Variants in MCRIP1 observed in about 807,000 individuals in gnomAD.
The protein encoded by MCRIP1 is mapk-regulated corepressor-interacting protein 1.
In MCRIP1, 10 loss-of-function variants were observed where a neutral mutation model predicts 14.4. The ratio of observed to expected loss-of-function variants is 0.70; its 90% CI spans 0.43 to 1.18. The LOEUF (loss-of-function observed/expected upper bound fraction) is 1.18. Ranked by LOEUF, MCRIP1 falls within the 50% of genes most tolerant of loss-of-function variation. The pLI is 0.00. For synonymous variants in MCRIP1, 53 were observed against 55.7 expected, an observed-to-expected ratio of 0.95 and a Z score of 0.21; for missense variants, 119 against 135.4, an observed-to-expected ratio of 0.88 and a Z score of 0.60.
chr17:81,827,294 T>G (rs1012834373), intron 1 of MCRIP1, among the ~76,000 whole-genome samples: 1 of 151,208 alleles, frequency 6.6e-6, no homozygotes, highest in Non-Finnish European at 1.5e-5. Flanking sequence ...TTATTTGAGA[T>G]GGAGTCTCGC....
At chr17:81,827,105 A>G (rs535846925) in intron 1 of MCRIP1, among the ~76,000 whole-genome samples, 3 of 150,510 alleles carry the variant, frequency 2.0e-5, no homozygotes, top group Admixed American at 6.6e-5. Context: ...GCGACAGAGC[A>G]AGACTCCGTC....
intron 1 of MCRIP1, among the ~76,000 whole-genome samples, chr17:81,828,269 AC>A (rs567566571): frequency 6.0e-4 from 50 of 83,060 alleles, no homozygotes; most frequent in African/African-American, 2.2e-3. Flanking sequence ...CTGCCCCCCC[AC>A]CCCCCGACCC....
chr17:81,824,110 G>A lies in MCRIP1; in HGVS notation c.127+177C>T, dbSNP rs559954771. Among the ~76,000 whole-genome samples the A allele has an allele frequency of 1.2e-3, 182 of 152,216 alleles. 1 individual carries two copies. The highest frequency in any genetic ancestry group is 2.9e-3 in the South Asian group (14 of 4,814). On this transcript the variant is annotated intron_variant, in intron 3 of 4. Coordinates refer to ENST00000455127, the MANE Select transcript of MCRIP1 (RefSeq NM_207368.5). ...TCTCCTCTCTACACAAGGTCCCCTC[G>A]GCCACCCCTACCCGCCTGGGCCCTG... is the stretch of plus-strand genomic sequence containing the variant.
chr17:81,826,258 C>T (rs560376301), intron 1 of MCRIP1: 2 of 1,531,056 alleles, frequency 1.3e-6, no homozygotes, highest in Non-Finnish European at 1.7e-6. Context: ...CCTGCCCACA[C>T]ATACCTACCT....
chr17:81,829,350 C>T (rs2038474494), intron 1 of MCRIP1, among the ~76,000 whole-genome samples: 1 of 152,216 alleles, frequency 6.6e-6, no homozygotes, highest in African/African-American at 2.4e-5. Flanking sequence ...CTGCCTTCAT[C>T]CCACCTGGGC....
chr17:81,832,268 C>G (rs1370464788), intron 1 of MCRIP1, among the ~76,000 whole-genome samples: 3 of 152,164 alleles, frequency 2.0e-5, no homozygotes, highest in Non-Finnish European at 4.4e-5. Context: ...AGCTGCCACA[C>G]TGGCACCTCG....
In MCRIP1 at chr17:81,823,623, C is replaced by A. The variant is rs1012790763; in HGVS notation, c.128-110G>T. The A allele has an allele frequency of 2.9e-5, 26 of 887,260 alleles. No individual in the cohort carries two copies. In the African/African-American group the frequency reaches 4.3e-4, roughly 15 times the overall value. The allele number at this position is 887,260 out of a possible 1,614,324, so 55.0% of individuals were successfully genotyped here. A position where few individuals can be genotyped will look rare whatever the true frequency, so the allele number is the denominator to read the frequency against. On this transcript the variant is annotated intron_variant, in intron 3 of 4. Coordinates refer to ENST00000455127, the MANE Select transcript of MCRIP1 (RefSeq NM_207368.5). This position sits in a 1 kb window ranked among gnomAD's most constrained non-coding sequence, Gnocchi z 6.0. The stretch of plus-strand genomic sequence containing the variant: ...TGCCCTCCCAGATCCTCTTCTCCCT[C>A]AGAAGTGTCCTCCATGCTCCCCCAC...
intron 1 of MCRIP1, among the ~76,000 whole-genome samples, chr17:81,827,563 G>A (rs546395658): frequency 3.3e-5 from 5 of 151,324 alleles, no homozygotes; most frequent in Middle Eastern, 3.4e-3. Context: ...GAGCCACCAC[G>A]CCCGGCCGGC....
Position 81,824,388 on chromosome 17 carries a change from A to G in MCRIP1, c.26T>C (p.Val9Ala), listed in dbSNP as rs1234238140. MTSSPVSR[V>A]VYNGKRTSSP... is the part of the protein sequence containing the mutation. ...GCTGGTCCTCTTGCCGTTGTACACG[A>G]CTCTGGAGACGGGGGAGCTGGGGGA... The change falls in exon 3 of 5, where the codon GTC (valine) becomes GCC (alanine). Residue 9 changes from valine to alanine, a missense_variant. Val to Ala is a moderately conservative substitution (Grantham distance 64). Transcript: ENST00000455127. The G allele has an allele frequency of 6.5e-7, 1 of 1,534,446 alleles. No homozygotes were observed. The highest frequency in any genetic ancestry group is 8.7e-7 in the Non-Finnish European group (1 of 1,145,536).
rs2038426035 is a variant in MCRIP1 at position 81,827,258 on chromosome 17, T to A, written c.-48-2704A>T. ...GCCTGGGCAACATGGCAAAATCCCA[T>A]TTCTTTTATTTATTTATTTATTTAT... On this transcript the variant is annotated intron_variant, in intron 1 of 4. Transcript: ENST00000455127. Among the ~76,000 whole-genome samples, 5 of 151,888 alleles carry A rather than the reference T, an allele frequency of 3.3e-5. No individual in the cohort carries two copies. In the South Asian group the frequency reaches 1.0e-3, roughly 32 times the overall value.
At chr17:81,826,428 T>A in intron 1 of MCRIP1, 1 of 1,497,486 alleles carries the variant, frequency 6.7e-7, no homozygotes, top group South Asian at 1.2e-5. Flanking sequence ...GAGGCTGGGG[T>A]GGGAGGACTG....
At chr17:81,825,244 T>C (rs2038366841) in intron 1 of MCRIP1, 1 of 1,086,768 alleles carries the variant, frequency 9.2e-7, no homozygotes, top group Admixed American at 4.9e-5. Flanking sequence ...CTGCCGCCCG[T>C]TTATGGCCTC....
At chr17:81,824,211 G>C (rs1166230829) in intron 3 of MCRIP1, 76 bp downstream of exon 3, 1 of 1,214,694 alleles carries the variant, frequency 8.2e-7, no homozygotes, top group Non-Finnish European at 1.2e-6. Flanking sequence ...GTTCCTCGGA[G>C]CGTGGGTCCT....
At position 81,824,346 on chromosome 17, in the gene MCRIP1, G is replaced by C. The variant is rs1237566667; in HGVS notation, c.68C>G (p.Pro23Arg). Residue 23 changes from proline (P) to arginine (R), a missense_variant, in exon 3 of 5, where the codon CCC (proline) becomes CGC (arginine). Pro to Arg is a moderately radical substitution (Grantham distance 103). Coordinates refer to ENST00000455127, the MANE Select transcript of MCRIP1 (RefSeq NM_207368.5). ...TGGGGTGAAGATCTCGCTGCTGCTGGGTGGGGAGCGGGGGCTGCTGGTCCT... is the reference window on the plus strand; with the variant it reads ...TGGGGTGAAGATCTCGCTGCTGCTGCGTGGGGAGCGGGGGCTGCTGGTCCT... The part of the protein sequence containing the change: ...GKRTSSPRSP[P>R]SSSEIFTPAH... 7 of 1,535,414 alleles carry C rather than the reference G, an allele frequency of 4.6e-6. No homozygotes were observed. The highest frequency in any genetic ancestry group is 6.1e-6 in the Non-Finnish European group (7 of 1,146,380).
rs138534809 is a variant in MCRIP1 at position 81,823,020 on chromosome 17, G to C, written c.*227C>G. 5,741 of 602,200 alleles carry C rather than the reference G, an allele frequency of 9.5e-3. 238 individuals carry two copies. Among genetic ancestry groups the C allele is most frequent in the African/African-American group, 0.094 (5,090 of 53,942 alleles). 37.3% of individuals were successfully genotyped at this position (602,200 alleles called of 1,614,324 possible). On this transcript the variant is annotated 3_prime_UTR_variant, in exon 5 of 5. Coordinates refer to ENST00000455127, the MANE Select transcript of MCRIP1 (RefSeq NM_207368.5). This position sits in a 1 kb window ranked among gnomAD's most constrained non-coding sequence, Gnocchi z 6.0. Reference sequence around the variant, plus strand: ...CAGGTGGCTGGGGGAGGGCAGGAGGGTGGGCAGGGCCCAGACCCCCATGAT... The same window carrying C: ...CAGGTGGCTGGGGGAGGGCAGGAGGCTGGGCAGGGCCCAGACCCCCATGAT...
Position 81,823,005 on chromosome 17 carries a change from G to GGGGAGGGC in MCRIP1, c.*234_*241dup, listed in dbSNP as rs2038301715. On this transcript the variant is annotated 3_prime_UTR_variant, in exon 5 of 5. Transcript: ENST00000455127. The surrounding 1 kb of genome is among the most constrained non-coding windows in gnomAD (Gnocchi z 6.0). The stretch of plus-strand genomic sequence containing the variant: ...CTTCAAAAATGCAGCCAGGTGGCTG[G>GGGGAGGGC]GGGAGGGCAGGAGGGTGGGCAGGGC... 1 of 596,132 alleles carries GGGGAGGGC rather than the reference G, an allele frequency of 1.7e-6. No individual in the cohort carries two copies. The highest frequency in any genetic ancestry group is 3.0e-6 in the Non-Finnish European group (1 of 335,542). 36.9% of individuals were successfully genotyped at this position (596,132 alleles called of 1,614,324 possible).
Position 81,823,718 on chromosome 17 carries a change from TC to T in MCRIP1, c.128-206del. 1.7e-6 allele frequency: 1 copy of T among 604,674 alleles called. No individual in the cohort carries two copies. The highest frequency in any genetic ancestry group is 2.9e-6 in the Non-Finnish European group (1 of 339,742). 37.5% of individuals were successfully genotyped at this position (604,674 alleles called of 1,614,324 possible). On this transcript the variant is annotated intron_variant, in intron 3 of 4. Coordinates refer to ENST00000455127, the MANE Select transcript of MCRIP1 (RefSeq NM_207368.5). This position sits in a 1 kb window ranked among gnomAD's most constrained non-coding sequence, Gnocchi z 6.0. ...CCGCTCCTCTGGCAGGCCTGTCCCT[TC>T]CCCGCAAGATGACCAGGACTGTGGT...
Position 81,823,366 on chromosome 17 carries a change from C to T in MCRIP1, c.229+46G>A. On this transcript the variant is annotated intron_variant, in intron 4 of 4. Transcript: ENST00000455127. The surrounding 1 kb of genome is among the most constrained non-coding windows in gnomAD (Gnocchi z 6.0). ...GCACAGGCCCCTCCTGCCCATGAGG[C>T]CCGGCCTGCCGGCCCAGCCCTGCCC... 6.5e-7 allele frequency: 1 copy of T among 1,536,174 alleles called. No individual in the cohort carries two copies. Among genetic ancestry groups the T allele is most frequent in the Non-Finnish European group, 8.7e-7 (1 of 1,146,338 alleles).
intron 1 of MCRIP1, chr17:81,825,157 C>T (rs1229021000): frequency 9.6e-7 from 1 of 1,037,060 alleles, no homozygotes; most frequent in African/African-American, 1.7e-5. Context: ...TGGAACCAAA[C>T]TCCAGCTCCC....
Sources: allele counts gnomAD v4.1 joint callset (sites outside exome capture counted in the v4.1 genomes callset), GRCh38; gene constraint gnomAD v4.1.1; non-coding constraint Gnocchi (gnomAD v3.1); transcripts MANE v1.5; gene names NCBI Gene and HGNC (gene_info 2026-07-23, HGNC 2026-07-21).